The following RUNX2 variants were observed in gnomAD, a reference collection of about 807,000 sequenced individuals.
RUNX2 encodes the protein runt-related transcription factor 2.
A neutral mutation model predicts 51.7 loss-of-function variants in RUNX2; 10 were observed. The observed-to-expected ratio is 0.19, with a 90% CI of 0.12 to 0.33. The LOEUF is 0.33. Among genes scored for constraint, RUNX2 ranks in the 10% least tolerant of loss-of-function variants. The pLI, the probability that RUNX2 is intolerant of heterozygous loss-of-function variation, is 1.00. For missense variants in RUNX2, 562 were observed against 691.3 expected (o/e 0.81, Z 2.10); for synonymous variants, 276 against 273.6 (o/e 1.01, Z -0.09).
chr6:45,337,209 A>G (rs979099872), intron 2 of RUNX2, among the ~76,000 whole-genome samples: 3 of 151,730 alleles, frequency 2.0e-5, no homozygotes, highest in African/African-American at 7.2e-5. Flanking sequence ...TAAACTGGCA[A>G]GACTAAAAAG....
At chr6:45,419,081 A>G (rs868787332) in intron 2 of RUNX2, among the ~76,000 whole-genome samples, 2 of 152,364 alleles carry the variant, frequency 1.3e-5, no homozygotes, top group Middle Eastern at 6.8e-3. Flanking sequence ...AGAAAAAAGG[A>G]GGAAAAGTCC....
Position 45,512,307 on chromosome 6 carries a change from G to A in RUNX2, c.921G>A (p.Leu307=). The change falls in exon 7 of 9, where the codon CTG becomes CTA. Residue 307 remains leucine (L), a synonymous_variant. Coordinates refer to ENST00000647337, the MANE Select transcript of RUNX2 (RefSeq NM_001024630.4). ...ATGACCAGTCTTACCCCTCCTACCT[G>A]AGCCAGATGACGTCCCCGTCCATCC... is the stretch of plus-strand genomic sequence containing the variant. The part of the protein sequence containing the change: ...WSYDQSYPSY[L]SQMTSPSIHS... 6.2e-7 allele frequency: 1 copy of A among 1,614,056 alleles called. No homozygotes were observed. Among genetic ancestry groups the A allele is most frequent in the Non-Finnish European group, 8.5e-7 (1 of 1,180,004 alleles).
chr6:45,404,259 C>CGA (rs1797782258), intron 2 of RUNX2, among the ~76,000 whole-genome samples: 1 of 27,702 alleles, frequency 3.6e-5, no homozygotes, highest in Non-Finnish European at 6.6e-5. Context: ...GACTCTGTCT[C>CGA]AAAAAAAAAA....
intron 7 of RUNX2, among the ~76,000 whole-genome samples, chr6:45,538,651 T>A (rs930800142): frequency 2.0e-5 from 3 of 152,112 alleles, no homozygotes; most frequent in African/African-American, 7.2e-5. Flanking sequence ...ATTTGTCCCT[T>A]TTTTCCTCCT....
chr6:45,520,294 A>G (rs908421986), intron 7 of RUNX2, among the ~76,000 whole-genome samples: 1 of 152,164 alleles, frequency 6.6e-6, no homozygotes, highest in Non-Finnish European at 1.5e-5. Context: ...CTATCATAGC[A>G]ATTGTCACCA....
intron 2 of RUNX2, among the ~76,000 whole-genome samples, chr6:45,412,347 C>A (rs910978292): frequency 6.6e-6 from 1 of 151,762 alleles, no homozygotes; most frequent in African/African-American, 2.4e-5. Flanking sequence ...CAGAGAGAGA[C>A]CCTGTCTCAA....
intron 2 of RUNX2, chr6:45,377,551 A>C (rs923139207): frequency 2.6e-5 from 4 of 152,234 alleles, no homozygotes; most frequent in African/African-American, 9.7e-5. Flanking sequence ...CGGCAGCGGA[A>C]CCAGGGCGCT....
In RUNX2 at chr6:45,487,663, A is replaced by T. The variant is rs143353279; in HGVS notation, c.686-4278A>T. Among the ~76,000 whole-genome samples the T allele has an allele frequency of 4.2e-3, 638 of 152,302 alleles. 1 individual carries two copies. The highest frequency in any genetic ancestry group is 0.014 in the African/African-American group (587 of 41,556). On this transcript the variant is annotated intron_variant, in intron 5 of 8. Transcript: ENST00000647337. ...TGATATATATAATATGATGTCCTGG[A>T]CCAGAAAATTTTCTTTCACTCAAGG... is the stretch of plus-strand genomic sequence containing the variant.
intron 2 of RUNX2, among the ~76,000 whole-genome samples, chr6:45,366,877 T>C (rs1336047137): frequency 1.3e-5 from 2 of 152,202 alleles, no homozygotes; most frequent in Non-Finnish European, 2.9e-5. Context: ...TAAAAACTCT[T>C]AGCTACATCT....
At chr6:45,351,328 T>C (rs1792001778) in intron 2 of RUNX2, among the ~76,000 whole-genome samples, 1 of 152,070 alleles carries the variant, frequency 6.6e-6, no homozygotes, top group Non-Finnish European at 1.5e-5. Flanking sequence ...CTATGCATTC[T>C]ACTAAATTCA....
At chr6:45,337,439 G>A (rs891079889) in intron 2 of RUNX2, among the ~76,000 whole-genome samples, 1 of 151,572 alleles carries the variant, frequency 6.6e-6, no homozygotes, top group African/African-American at 2.4e-5. Flanking sequence ...ATATACAAGG[G>A]TTACTCTAAA....
intron 5 of RUNX2, among the ~76,000 whole-genome samples, chr6:45,484,758 T>G (rs1372072012): frequency 6.6e-6 from 1 of 152,188 alleles, no homozygotes; most frequent in African/African-American, 2.4e-5. Flanking sequence ...ATCGTGACTT[T>G]AAAATTAGTC....
chr6:45,453,332 A>G (rs544559806), intron 5 of RUNX2, among the ~76,000 whole-genome samples: 2 of 152,280 alleles, frequency 1.3e-5, no homozygotes, highest in Non-Finnish European at 2.9e-5. Context: ...ACACGTTGCT[A>G]TAGGAAAGGT....
chr6:45,516,978 C>T (rs565238551), intron 7 of RUNX2, among the ~76,000 whole-genome samples: 28 of 152,200 alleles, frequency 1.8e-4, no homozygotes, highest in Admixed American at 1.8e-3. Flanking sequence ...AACTCCTCCA[C>T]TATCCCACTC....
intron 4 of RUNX2, among the ~76,000 whole-genome samples, chr6:45,436,631 G>C (rs1563085810): frequency 6.6e-6 from 1 of 152,120 alleles, no homozygotes. Context: ...AGTAACAAAT[G>C]ATGTGCGTCT....
intron 2 of RUNX2, among the ~76,000 whole-genome samples, chr6:45,416,885 A>G (rs1012445574): frequency 1.3e-5 from 2 of 152,190 alleles, no homozygotes; most frequent in Non-Finnish European, 2.9e-5. Flanking sequence ...CTCTCTTGTA[A>G]GTGCCTGAAT....
chr6:45,431,264 C>T (rs570791514), intron 3 of RUNX2, among the ~76,000 whole-genome samples: 1 of 152,176 alleles, frequency 6.6e-6, no homozygotes, highest in South Asian at 2.1e-4. Flanking sequence ...CTTTGGATAT[C>T]ACACTGGGTC....
chr6:45,406,839 C>G (rs1797844808), intron 2 of RUNX2, among the ~76,000 whole-genome samples: 1 of 152,114 alleles, frequency 6.6e-6, no homozygotes, highest in Non-Finnish European at 1.5e-5. Context: ...ATCTCCAGCC[C>G]AACCCAGTAC....
chr6:45,370,683 A>G (rs1795913942), intron 2 of RUNX2, among the ~76,000 whole-genome samples: 1 of 152,186 alleles, frequency 6.6e-6, no homozygotes, highest in Non-Finnish European at 1.5e-5. Flanking sequence ...GAAAATATCA[A>G]AACACCCTGT....
Sources: gnomAD v4.1 joint callset for allele counts (sites outside exome capture counted in the v4.1 genomes callset) on GRCh38, gnomAD v4.1.1 for gene constraint, MANE v1.5 for transcripts, NCBI Gene and HGNC (gene_info 2026-07-23, HGNC 2026-07-21) for gene names.